The following GOLGA4 variants were observed in gnomAD, a reference collection of about 807,000 sequenced individuals.
GOLGA4 encodes golgin subfamily A member 4.
A neutral mutation model predicts 265.9 loss-of-function variants in GOLGA4; 169 were observed. The observed-to-expected ratio is 0.64, with a 90% CI of 0.56 to 0.72. The LOEUF (loss-of-function observed/expected upper bound fraction) is 0.72, where lower values mean the gene tolerates loss of function less well. Among genes scored for constraint, GOLGA4 ranks in the 30% least tolerant of loss-of-function variants. The pLI, the probability that GOLGA4 is intolerant of heterozygous loss-of-function variation, is 0.00. For missense variants in GOLGA4, 2,482 were observed against 2,483.4 expected (o/e 1.00, Z 0.01); for synonymous variants, 923 against 855.8 (o/e 1.08, Z -1.37).
Position 37,324,007 on chromosome 3 carries a change from T to G in GOLGA4, c.2121T>G (p.Leu707=), listed in dbSNP as rs1387419002. ...LKARHKLEEE[L]SVLKDQTDKM... ...CCCGTCACAAACTAGAAGAGGAACT[T>G]TCTGTTCTGAAAGATCAAACAGATA... is the stretch of plus-strand genomic sequence containing the variant. Residue 707 remains leucine, a synonymous_variant, in exon 14 of 24, where the codon CTT becomes CTG. Transcript: ENST00000361924. The G allele has an allele frequency of 1.2e-6, 2 of 1,613,796 alleles. No individual in the cohort carries two copies. Among genetic ancestry groups the G allele is most frequent in the Admixed American group, 1.7e-5 (1 of 59,996 alleles).
intron 13 of GOLGA4, among the ~76,000 whole-genome samples, chr3:37,322,375 G>A (rs757105220): frequency 1.4e-4 from 21 of 152,086 alleles, no homozygotes; most frequent in Non-Finnish European, 2.6e-4. Flanking sequence ...ATATTTGTGT[G>A]TATGTCCCAG....
intron 2 of GOLGA4, among the ~76,000 whole-genome samples, chr3:37,270,268 C>G (rs1392176255): frequency 7.0e-6 from 1 of 142,202 alleles, no homozygotes; most frequent in Non-Finnish European, 1.5e-5. Context: ...TGCAGTGACA[C>G]CATCTTGGCG....
In GOLGA4 at chr3:37,321,892, T is replaced by C. The variant is rs1222967853; in HGVS notation, c.1701+6T>C. On this transcript the variant is annotated splice_donor_region_variant and intron_variant, in intron 13 of 23. Coordinates refer to ENST00000361924, the MANE Select transcript of GOLGA4 (RefSeq NM_002078.5). ...AAGCAGAGACTTACAGAACTGTAAG[T>C]TTTAATAATATTCAGATTCTGGAGT... 2 of 1,585,736 alleles carry C rather than the reference T, an allele frequency of 1.3e-6. No individual in the cohort carries two copies. The highest frequency in any genetic ancestry group is 1.7e-6 in the Non-Finnish European group (2 of 1,169,664).
chr3:37,298,684 A>G (rs143867868), intron 7 of GOLGA4, 149 bp from the exon 8 acceptor site: 7 of 571,030 alleles, frequency 1.2e-5, no homozygotes, highest in East Asian at 2.9e-5. Flanking sequence ...AGTTCAGCCT[A>G]CACCCAGGAA....
At chr3:37,293,790 A>G (rs1411984753) in intron 5 of GOLGA4, among the ~76,000 whole-genome samples, 2 of 152,188 alleles carry the variant, frequency 1.3e-5, no homozygotes, top group Middle Eastern at 3.2e-3. Context: ...TCCATAGGTC[A>G]TTTTGTCATT....
chr3:37,261,773 A>C (rs1560286449), intron 2 of GOLGA4, among the ~76,000 whole-genome samples: 1 of 152,140 alleles, frequency 6.6e-6, no homozygotes, highest in African/African-American at 2.4e-5. Context: ...GTGGTCCATT[A>C]TGGGAAACTG....
At position 37,278,696 on chromosome 3, in the gene GOLGA4, A is replaced by T. The variant is rs184762244; in HGVS notation, c.163-3262A>T. On this transcript the variant is annotated intron_variant, in intron 2 of 23. Coordinates refer to ENST00000361924, the MANE Select transcript of GOLGA4 (RefSeq NM_002078.5). Reference sequence around the variant, plus strand: ...TCTTAAATATTACAGATATTTTCTTAAAAAGTGATAAAAATGGTATTTATT... The same window carrying T: ...TCTTAAATATTACAGATATTTTCTTTAAAAGTGATAAAAATGGTATTTATT... Among the ~76,000 whole-genome samples, 239 of 152,332 alleles carry T rather than the reference A, an allele frequency of 1.6e-3. 1 individual carries two copies. Among genetic ancestry groups the T allele is most frequent in the Non-Finnish European group, 3.0e-3 (207 of 68,032 alleles).
In GOLGA4 at chr3:37,358,683, T is replaced by C. The variant is rs2097096663; in HGVS notation, c.6664-2560T>C. ...TAATTATTTAGCCTCCTTTTAGCAA[T>C]GTGTAGAACTAGTCTTTTCTGGAAA... On this transcript the variant is annotated intron_variant, in intron 22 of 23. Coordinates refer to ENST00000361924, the MANE Select transcript of GOLGA4 (RefSeq NM_002078.5). 2.0e-5 allele frequency among the ~76,000 whole-genome samples: 3 copies of C among 152,138 alleles called. No individual in the cohort carries two copies. The South Asian group carries it at 6.2e-4, about 31-fold the overall frequency.
At chr3:37,299,424 A>G in intron 9 of GOLGA4, 53 bp downstream of exon 9, 1 of 1,034,788 alleles carries the variant, frequency 9.7e-7, no homozygotes, top group Non-Finnish European at 1.5e-6. Context: ...CCCAACATTT[A>G]CTTTTGGAAA....
rs771962111 is a variant in GOLGA4, at chr3:37,337,182, T to C, written c.6327+19T>C. ...GCTACAGGTAAGGCTAGTTCTTCTT[T>C]TTTTTTTTTTCTTTTTTTTCTTTGA... On this transcript the variant is annotated intron_variant, in intron 18 of 23. Transcript: ENST00000361924. The C allele has an allele frequency of 7.4e-6, 10 of 1,358,472 alleles. No individual in the cohort carries two copies. Among genetic ancestry groups the C allele is most frequent in the South Asian group, 5.1e-5 (4 of 78,956 alleles). The allele number at this position is 1,358,472 out of a possible 1,614,324, so 84.2% of individuals were successfully genotyped here.
chr3:37,285,000 A>G (rs2096844632), intron 3 of GOLGA4, among the ~76,000 whole-genome samples: 1 of 152,058 alleles, frequency 6.6e-6, no homozygotes, highest in African/African-American at 2.4e-5. Context: ...GGATATCACT[A>G]GTGGCATTTG....
At chr3:37,337,204 T>G in intron 18 of GOLGA4, 41 bp downstream of exon 18, 1 of 1,073,070 alleles carries the variant, frequency 9.3e-7, no homozygotes, top group Non-Finnish European at 1.4e-6. Context: ...TTTTTTTTCT[T>G]TGAGACAGAT....
At chr3:37,287,442 GAAATT>G (rs2096852668) in intron 4 of GOLGA4, 1 of 152,210 alleles carries the variant, frequency 6.6e-6, no homozygotes, top group Admixed American at 6.5e-5. Flanking sequence ...TAGAGCCAAT[GAAATT>G]AAAATAGTAG....
chr3:37,319,805 A>G (rs765955267), intron 12 of GOLGA4: 2 of 152,216 alleles, frequency 1.3e-5, no homozygotes, highest in Non-Finnish European at 2.9e-5. Flanking sequence ...CAGTATAACC[A>G]ACACACTTTC....
chr3:37,337,862 A>C (rs2097019714), intron 19 of GOLGA4, 128 bp downstream of exon 19: 1 of 620,696 alleles, frequency 1.6e-6, no homozygotes, highest in East Asian at 2.8e-5. Context: ...TTTATTTCCA[A>C]ATCCAAAGGT....
chr3:37,293,014 C>T (rs533680214), intron 5 of GOLGA4, among the ~76,000 whole-genome samples: 10 of 152,106 alleles, frequency 6.6e-5, no homozygotes, highest in Non-Finnish European at 1.3e-4. Flanking sequence ...TCGGGCAATT[C>T]TTAGTGTTTT....
chr3:37,258,839 C>G (rs1283890307), intron 2 of GOLGA4, among the ~76,000 whole-genome samples: 3 of 151,992 alleles, frequency 2.0e-5, no homozygotes, highest in Non-Finnish European at 2.9e-5. Context: ...ATAAATGTCA[C>G]TTGTTTCTTG....
In GOLGA4 at chr3:37,355,125, G is replaced by A. The variant is rs1205981812; in HGVS notation, c.6601G>A (p.Val2201Ile). 1.0e-5 allele frequency: 16 copies of A among 1,605,032 alleles called. No homozygotes were observed. Among genetic ancestry groups the A allele is most frequent in the African/African-American group, 2.7e-5 (2 of 74,668 alleles). ...TKTMAKVITT[V>I]LKFPDDQTQK... is the part of the protein sequence containing the mutation. ...GACCATGGCAAAAGTTATAACCACC[G>A]TACTGAAGTTCCCTGATGATCAGAC... Residue 2201 changes from valine to isoleucine, a missense_variant, in exon 22 of 24, where the codon GTA becomes ATA. Around this residue, in one of 3 missense-constraint regions of GOLGA4, gnomAD observed 942 missense variants for 983.1 expected, o/e 0.96. Coordinates refer to ENST00000361924, the MANE Select transcript of GOLGA4 (RefSeq NM_002078.5).
At chr3:37,333,548 T>A (rs2096998632) in intron 16 of GOLGA4, among the ~76,000 whole-genome samples, 1 of 152,172 alleles carries the variant, frequency 6.6e-6, no homozygotes, top group Admixed American at 6.5e-5. Flanking sequence ...CATAGCTAAT[T>A]GTCATATTAG....
Sources: gnomAD v4.1 joint callset for allele counts (sites outside exome capture counted in the v4.1 genomes callset) on GRCh38, gnomAD v4.1.1 for gene constraint, gnomAD v4.1.1 regional missense constraint, MANE v1.5 for transcripts, NCBI Gene and HGNC (gene_info 2026-07-23, HGNC 2026-07-21) for gene names.